The following CFAP36 variants were observed in gnomAD, a reference collection of about 807,000 sequenced individuals.
The protein encoded by CFAP36 is cilia- and flagella-associated protein 36.
Under a neutral mutation model 50.5 loss-of-function variants are expected in CFAP36, and 37 were observed. That is an observed-to-expected ratio of 0.73 (90% CI 0.56 to 0.96). The LOEUF (loss-of-function observed/expected upper bound fraction) is 0.96. CFAP36 is among the 50% of genes least tolerant of loss of function. The probability of loss-of-function intolerance (pLI) is 0.00; values close to 1 mark genes in which losing one functional copy is unlikely to be tolerated. For synonymous variants in CFAP36, 138 were observed against 128.2 expected, an observed-to-expected ratio of 1.08 and a Z score of -0.52; for missense variants, 407 against 396.2, an observed-to-expected ratio of 1.03 and a Z score of -0.23.
intron 7 of CFAP36, among the ~76,000 whole-genome samples, chr2:55,543,096 G>A (rs569126253): frequency 1.8e-4 from 28 of 152,008 alleles, no homozygotes; most frequent in Non-Finnish European, 3.8e-4. Flanking sequence ...GATCAACCAG[G>A]TGTGGCAAAA....
chr2:55,531,553 AC>A (rs1348278789), intron 4 of CFAP36, among the ~76,000 whole-genome samples: 1 of 152,146 alleles, frequency 6.6e-6, no homozygotes, highest in East Asian at 1.9e-4. Flanking sequence ...CTAATCAAGG[AC>A]CCCGACACTT....
At chr2:55,538,652 G>T in intron 7 of CFAP36, 1 of 784,868 alleles carries the variant, frequency 1.3e-6, no homozygotes, top group Non-Finnish European at 2.0e-6. Context: ...GTGTTGCCCA[G>T]GCTGGGTCTC....
At position 55,544,060 on chromosome 2, in the gene CFAP36, G is replaced by A; in HGVS notation, c.763G>A (p.Glu255Lys). 1.2e-6 allele frequency: 2 copies of A among 1,613,920 alleles called. No homozygotes were observed. Among genetic ancestry groups the A allele is most frequent in the Non-Finnish European group, 1.7e-6 (2 of 1,179,924 alleles). The change falls in exon 8 of 10, where the codon GAA becomes AAA. Residue 255 changes from glutamate to lysine, a missense_variant. Transcript: ENST00000349456. ...KIPGLEHASI[E>K]GPIANLSVLG... ...TCCTGGCTTAGAGCATGCGAGCATT[G>A]AAGGACCAATAGCAGTAAGTAAACG...
At chr2:55,521,734 A>G (rs950589064) in intron 1 of CFAP36, among the ~76,000 whole-genome samples, 1 of 151,646 alleles carries the variant, frequency 6.6e-6, no homozygotes, top group Admixed American at 6.6e-5. Context: ...GGTTCAAGCA[A>G]TTCTCTTGCC....
chr2:55,526,460 G>C (rs1553454158), intron 3 of CFAP36, among the ~76,000 whole-genome samples: 1 of 152,034 alleles, frequency 6.6e-6, no homozygotes, highest in Non-Finnish European at 1.5e-5. Context: ...TTTTGTTTTT[G>C]AGACAGAGTC....
intron 4 of CFAP36, 75 bp from the exon 5 acceptor site, chr2:55,533,798 A>G (rs1490572827): frequency 1.3e-6 from 1 of 759,668 alleles, no homozygotes; most frequent in South Asian, 2.4e-5. Context: ...CTTGTACTTA[A>G]GGAACGAGAA....
intron 3 of CFAP36, among the ~76,000 whole-genome samples, chr2:55,526,479 C>A (rs552321294): frequency 6.6e-6 from 1 of 152,164 alleles, no homozygotes; most frequent in Admixed American, 6.5e-5. Context: ...TCTTTCTCTG[C>A]CACCCTGGCT....
chr2:55,544,184 TTGAATTTAGATAGCTCC>T lies in CFAP36; in HGVS notation c.778-34_778-18del. On this transcript the variant is annotated intron_variant, in intron 8 of 9. Transcript: ENST00000349456. The stretch of plus-strand genomic sequence containing the variant: ...CATCTGTGCTACTTACTAAATGGAT[TTGAATTTAGATAGCTCC>T]TTTTCTTACTTGACCCAGAACTTAT... 1 of 1,608,382 alleles carries T rather than the reference TTGAATTTAGATAGCTCC, an allele frequency of 6.2e-7. No individual in the cohort carries two copies. Among genetic ancestry groups the T allele is most frequent in the African/African-American group, 1.3e-5 (1 of 74,468 alleles).
chr2:55,540,990 G>A (rs1414741727), intron 7 of CFAP36, among the ~76,000 whole-genome samples: 2 of 151,848 alleles, frequency 1.3e-5, no homozygotes, highest in Non-Finnish European at 2.9e-5. Context: ...TCCAGCCTAG[G>A]TGATAGAGTG....
chr2:55,525,700 G>A (rs916027419), intron 3 of CFAP36, among the ~76,000 whole-genome samples: 2 of 151,442 alleles, frequency 1.3e-5, no homozygotes, highest in African/African-American at 2.4e-5. Context: ...GCACAATCTC[G>A]GCTCACTGCA....
intron 4 of CFAP36, chr2:55,531,250 A>G (rs977078404): frequency 2.0e-5 from 3 of 152,226 alleles, no homozygotes; most frequent in Non-Finnish European, 4.4e-5. Context: ...ATTCTGACTT[A>G]CGGGTTAGAC....
chr2:55,538,624 G>T, intron 7 of CFAP36: 4 of 587,936 alleles, frequency 6.8e-6, no homozygotes, highest in Non-Finnish European at 8.8e-6. Context: ...AATTATTTTT[G>T]TTGAGTCGGG....
intron 4 of CFAP36, among the ~76,000 whole-genome samples, chr2:55,530,712 A>G (rs946118940): frequency 1.3e-5 from 2 of 152,062 alleles, no homozygotes; most frequent in African/African-American, 4.8e-5. Flanking sequence ...CCAGATTATC[A>G]TCTCTGTTTC....
rs1331115100 is a variant in CFAP36, at chr2:55,521,593, A to G, written c.116-509A>G. On this transcript the variant is annotated intron_variant, in intron 1 of 9. Transcript: ENST00000349456. ...AAAGCTTGTTTACAATTAATAGTATATATGTGTGTGTGTGTGTGTGTGTGT... is the reference window on the plus strand; with the variant it reads ...AAAGCTTGTTTACAATTAATAGTATGTATGTGTGTGTGTGTGTGTGTGTGT... 4.8e-4 allele frequency among the ~76,000 whole-genome samples: 71 copies of G among 147,494 alleles called. 1 individual carries two copies. The highest frequency in any genetic ancestry group is 1.5e-3 in the African/African-American group (61 of 40,518).
Position 55,545,034 on chromosome 2 carries a change from G to C in CFAP36, c.*26G>C. ...TAATTAAGAACAATTTAACAAAATG[G>C]AAGTTCAAATTGTCTTAAAAATAAA... is the stretch of plus-strand genomic sequence containing the variant. On this transcript the variant is annotated 3_prime_UTR_variant, in exon 10 of 10. Coordinates refer to ENST00000349456, the MANE Select transcript of CFAP36 (RefSeq NM_080667.7). 7.4e-7 allele frequency: 1 copy of C among 1,343,184 alleles called. No individual in the cohort carries two copies. Among genetic ancestry groups the C allele is most frequent in the Non-Finnish European group, 1.0e-6 (1 of 969,330 alleles). 83.2% of individuals were successfully genotyped at this position (1,343,184 alleles called of 1,614,324 possible).
chr2:55,521,917 A>AGG (rs1245588347), intron 1 of CFAP36, among the ~76,000 whole-genome samples, 185 bp from the exon 2 acceptor site: 2 of 152,182 alleles, frequency 1.3e-5, no homozygotes, highest in Non-Finnish European at 2.9e-5. Context: ...GGCATGAGCC[A>AGG]CAGTGCTCGG....
intron 6 of CFAP36, among the ~76,000 whole-genome samples, chr2:55,537,027 G>A (rs1310045752): frequency 6.6e-6 from 1 of 152,184 alleles, no homozygotes; most frequent in Non-Finnish European, 1.5e-5. Flanking sequence ...ACAGACATGA[G>A]CCACTGTGCC....
At chr2:55,535,639 T>C in intron 5 of CFAP36, 73 bp from the exon 6 acceptor site, 5 of 1,104,330 alleles carry the variant, frequency 4.5e-6, no homozygotes, top group Non-Finnish European at 6.4e-6. Context: ...GGTTAGCATG[T>C]TGCTTAGTTG....
At chr2:55,527,874 A>G (rs1302146345) in intron 3 of CFAP36, among the ~76,000 whole-genome samples, 1 of 151,794 alleles carries the variant, frequency 6.6e-6, no homozygotes, top group African/African-American at 2.4e-5. Flanking sequence ...AACACACTCT[A>G]AAAAACACAT....
Sources: allele counts gnomAD v4.1 joint callset (sites outside exome capture counted in the v4.1 genomes callset), GRCh38; gene constraint gnomAD v4.1.1; transcripts MANE v1.5; gene names NCBI Gene and HGNC (gene_info 2026-07-23, HGNC 2026-07-21).